The following NHSL1 variants were observed in gnomAD, a reference collection of about 807,000 sequenced individuals.
The protein encoded by NHSL1 is NHS like 1.
A neutral mutation model predicts 95.0 loss-of-function variants in NHSL1; 48 were observed. That is an observed-to-expected ratio of 0.51 (90% CI 0.40 to 0.64). The LOEUF is 0.64. Among genes scored for constraint, NHSL1 ranks in the 30% least tolerant of loss-of-function variants. The pLI is 0.00. For missense variants in NHSL1, 1,971 were observed against 2,077.7 expected (o/e 0.95, Z 1.00); for synonymous variants, 783 against 833.9 (o/e 0.94, Z 1.05).
chr6:138,476,511 G>A (rs565945199), intron 2 of NHSL1, among the ~76,000 whole-genome samples: 6 of 152,192 alleles, frequency 3.9e-5, no homozygotes, highest in African/African-American at 9.6e-5. Context: ...AGGGAGGATG[G>A]AAGGAGGGTG....
intron 1 of NHSL1, among the ~76,000 whole-genome samples, chr6:138,597,814 G>C (rs924663456): frequency 2.0e-5 from 3 of 152,132 alleles, no homozygotes; most frequent in Non-Finnish European, 2.9e-5. Context: ...TGCATGAATA[G>C]ATGTATTATA....
At chr6:138,567,650 T>A (rs951802529) in intron 1 of NHSL1, among the ~76,000 whole-genome samples, 2 of 152,180 alleles carry the variant, frequency 1.3e-5, no homozygotes, top group African/African-American at 4.8e-5. Context: ...ATGAAATTAC[T>A]TTAAATAGAT....
chr6:138,639,104 A>G (rs1219637155), intron 1 of NHSL1, among the ~76,000 whole-genome samples: 3 of 152,374 alleles, frequency 2.0e-5, no homozygotes, highest in East Asian at 3.9e-4. Context: ...AACAAAATCC[A>G]TAGTATTAGG....
intron 1 of NHSL1, among the ~76,000 whole-genome samples, chr6:138,649,913 C>T (rs919379284): frequency 6.6e-6 from 1 of 152,088 alleles, no homozygotes; most frequent in Non-Finnish European, 1.5e-5. Context: ...TGGGCCCCCA[C>T]GAGCCATTCT....
rs142348308 is a variant in NHSL1 at position 138,683,991 on chromosome 6, A to C, written c.96+8485T>G. On this transcript the variant is annotated intron_variant, in intron 1 of 3. Coordinates refer to the NHSL1 transcript ENST00000491526. ...TTTGGGAGGCCAAGGCGAGCAGATC[A>C]CTTGAGGCCAGCAGTTTGAGACCAG... is the stretch of plus-strand genomic sequence containing the variant. Among the ~76,000 whole-genome samples, 415 of 152,268 alleles carry C rather than the reference A, an allele frequency of 2.7e-3. 3 individuals carry two copies. Among genetic ancestry groups the C allele is most frequent in the African/African-American group, 9.5e-3 (396 of 41,548 alleles).
chr6:138,461,227 G>C (rs1777974526), intron 3 of NHSL1, among the ~76,000 whole-genome samples: 1 of 152,096 alleles, frequency 6.6e-6, no homozygotes, highest in Non-Finnish European at 1.5e-5. Flanking sequence ...AGACATTTCA[G>C]TGGAGATGGA....
rs528593750 is a variant in NHSL1, at chr6:138,589,519, C to T, written c.97-93148G>A. ...CTCAGGGTAGGCAGCAATGTAGAGG[C>T]TTGGCAGAGACTCGCCTGCCCCTCG... On this transcript the variant is annotated intron_variant, in intron 1 of 3. Transcript: ENST00000491526. 5.9e-5 allele frequency among the ~76,000 whole-genome samples: 9 copies of T among 152,262 alleles called. No individual in the cohort carries two copies. In the South Asian group the frequency reaches 1.9e-3, roughly 32 times the overall value.
At chr6:138,685,785 G>GA (rs1406183928) in intron 1 of NHSL1, among the ~76,000 whole-genome samples, 1 of 151,796 alleles carries the variant, frequency 6.6e-6, no homozygotes, top group Non-Finnish European at 1.5e-5. Context: ...CTCATCAAAA[G>GA]AATCAAAGAG....
Position 138,424,415 on chromosome 6 carries a change from C to A in NHSL1, c.4487G>T (p.Arg1496Met). 1 of 1,550,214 alleles carries A rather than the reference C, an allele frequency of 6.5e-7. No individual in the cohort carries two copies. Among genetic ancestry groups the A allele is most frequent in the Non-Finnish European group, 8.7e-7 (1 of 1,146,044 alleles). Residue 1496 changes from arginine (R) to methionine (M), a missense_variant, in exon 8 of 8, where the codon AGG (arginine) becomes ATG (methionine). Physicochemically the swap from Arg to Met is moderately conservative, Grantham distance 91. Around this residue, in one of 3 missense-constraint regions of NHSL1, gnomAD observed 223 missense variants for 217.0 expected, o/e 1.03. Transcript: ENST00000343505. The surrounding 1 kb of genome is among the most constrained non-coding windows in gnomAD (Gnocchi z 5.9). Reference protein sequence around the residue: ...MPRSLSFSGPRYGRSRTPPSA... With the variant: ...MPRSLSFSGPMYGRSRTPPSA... The stretch of plus-strand genomic sequence containing the variant: ...AGGCGGCGTTCGGCTGCGGCCGTAC[C>A]TGGGGCCGGAAAAGGACAGACTCCG...
At chr6:138,690,161 T>C (rs1785644604) in intron 1 of NHSL1, among the ~76,000 whole-genome samples, 1 of 152,236 alleles carries the variant, frequency 6.6e-6, no homozygotes, top group African/African-American at 2.4e-5. Context: ...TAGCCATCCA[T>C]ACTAATGGAG....
At chr6:138,591,039 G>C (rs770717906) in intron 1 of NHSL1, among the ~76,000 whole-genome samples, 7 of 152,094 alleles carry the variant, frequency 4.6e-5, no homozygotes, top group Non-Finnish European at 7.4e-5. Flanking sequence ...TCTGGGAATC[G>C]CCTCCTCTCA....
rs1215729041 is a variant in NHSL1, at chr6:138,692,021, C to A, written c.96+455G>T. The stretch of plus-strand genomic sequence containing the variant: ...CAGCCCCAACGCTCGCCGAGATCCC[C>A]AGGGTTTTACAAACGGATCGTCCTG... On this transcript the variant is annotated intron_variant, in intron 1 of 3. Coordinates refer to the NHSL1 transcript ENST00000491526. The surrounding 1 kb of genome is among the most constrained non-coding windows in gnomAD (Gnocchi z 4.0). 2.2e-6 allele frequency: 1 copy of A among 456,620 alleles called. No homozygotes were observed. Among genetic ancestry groups the A allele is most frequent in the Non-Finnish European group, 4.4e-6 (1 of 226,982 alleles). 28.3% of individuals were successfully genotyped at this position (456,620 alleles called of 1,614,324 possible). A position where few individuals can be genotyped will look rare whatever the true frequency, so the allele number is the denominator to read the frequency against.
intron 1 of NHSL1, among the ~76,000 whole-genome samples, chr6:138,564,402 A>C (rs1783528948): frequency 6.6e-6 from 1 of 152,132 alleles, no homozygotes; most frequent in Non-Finnish European, 1.5e-5. Flanking sequence ...GGCTCAAGCC[A>C]AGCCTGTAAT....
intron 1 of NHSL1, among the ~76,000 whole-genome samples, chr6:138,533,675 T>C (rs763375721): frequency 7.2e-5 from 11 of 152,374 alleles, no homozygotes; most frequent in Non-Finnish European, 1.3e-4. Flanking sequence ...GGACTATGCA[T>C]TGGAGTGTTT....
intron 3 of NHSL1, among the ~76,000 whole-genome samples, chr6:138,468,773 A>G (rs980818530): frequency 3.9e-5 from 6 of 152,202 alleles, no homozygotes; most frequent in Non-Finnish European, 1.5e-5. Flanking sequence ...AGTATACCCT[A>G]TGATATTTGT....
chr6:138,682,095 C>T (rs1308411619), intron 1 of NHSL1, among the ~76,000 whole-genome samples: 1 of 151,714 alleles, frequency 6.6e-6, no homozygotes, highest in Non-Finnish European at 1.5e-5. Flanking sequence ...AATACTCCTG[C>T]CTCAACCTCC....
intron 1 of NHSL1, among the ~76,000 whole-genome samples, chr6:138,577,636 C>T (rs1783991626): frequency 6.6e-6 from 1 of 152,090 alleles, no homozygotes; most frequent in Admixed American, 6.5e-5. Flanking sequence ...GTGAAGTGTG[C>T]CTCTCATCAG....
chr6:138,542,268 C>T (rs1280439693), intron 1 of NHSL1, among the ~76,000 whole-genome samples: 1 of 152,184 alleles, frequency 6.6e-6, no homozygotes, highest in Non-Finnish European at 1.5e-5. Flanking sequence ...AGAGTCTTTC[C>T]TGGAGCCTTC....
At chr6:138,525,866 G>A (rs1757609124) in intron 1 of NHSL1, among the ~76,000 whole-genome samples, 1 of 151,950 alleles carries the variant, frequency 6.6e-6, no homozygotes, top group South Asian at 2.1e-4. Flanking sequence ...GGAGGCCAAG[G>A]TAGGCAGATC....
Sources: allele counts gnomAD v4.1 joint callset (sites outside exome capture counted in the v4.1 genomes callset), GRCh38; gene constraint gnomAD v4.1.1; regional missense constraint gnomAD v4.1.1; non-coding constraint Gnocchi (gnomAD v3.1); transcripts MANE v1.5; gene names NCBI Gene and HGNC (gene_info 2026-07-23, HGNC 2026-07-21).